CADM2: variants seen among roughly 807,000 people sequenced by gnomAD.
CADM2 encodes the protein cell adhesion molecule 2.
In CADM2, 12 loss-of-function variants were observed where a neutral mutation model predicts 49.8. That is an observed-to-expected ratio of 0.24 (90% CI 0.15 to 0.39). CADM2 has a LOEUF of 0.39. Ranked by LOEUF, CADM2 falls within the 10% of genes least tolerant of loss-of-function variation. CADM2 has a pLI of 1.00. For synonymous variants in CADM2, 214 were observed against 175.4 expected, an observed-to-expected ratio of 1.22 and a Z score of -1.74; for missense variants, 378 against 492.3, an observed-to-expected ratio of 0.77 and a Z score of 2.20.
At chr3:85,636,154 A>G (rs756483118) in intron 1 of CADM2, among the ~76,000 whole-genome samples, 1 of 152,200 alleles carries the variant, frequency 6.6e-6, no homozygotes, top group African/African-American at 2.4e-5. Flanking sequence ...TTCAGGAAGT[A>G]TTCCGGAAGA....
chr3:85,446,022 G>A (rs1468894466), intron 1 of CADM2, among the ~76,000 whole-genome samples: 1 of 152,058 alleles, frequency 6.6e-6, no homozygotes, highest in Non-Finnish European at 1.5e-5. Context: ...CAGGCGAGGT[G>A]TATGTACACT....
In CADM2 at chr3:85,969,533, C is replaced by T. The variant is rs188738706; in HGVS notation, c.970+7886C>T. Reference sequence around the variant, plus strand: ...TACCATCTAAATTGTCCCCCAGTCACATATCACTTCAATTAAATACTCTAC... The same window carrying T: ...TACCATCTAAATTGTCCCCCAGTCATATATCACTTCAATTAAATACTCTAC... On this transcript the variant is annotated intron_variant, in intron 8 of 9. Transcript: ENST00000383699. Among the ~76,000 whole-genome samples, 4 of 151,338 alleles carry T rather than the reference C, an allele frequency of 2.6e-5. No individual in the cohort carries two copies. The East Asian group carries it at 5.9e-4, about 22-fold the overall frequency.
rs186917224 is a variant in CADM2, at chr3:86,034,301, G to C, written c.971-31304G>C. 4.3e-3 allele frequency among the ~76,000 whole-genome samples: 656 copies of C among 152,078 alleles called. 2 individuals are homozygous for C. The highest frequency in any genetic ancestry group is 7.0e-3 in the Non-Finnish European group (476 of 67,904). On this transcript the variant is annotated intron_variant, in intron 8 of 9. Coordinates refer to ENST00000383699, the MANE Select transcript of CADM2 (RefSeq NM_001167675.2). ...TTTATGTGTTGAAAGTTCATTTGCT[G>C]TGATGGTATTAGAAGGTGAAGCCTT... is the stretch of plus-strand genomic sequence containing the variant.
At chr3:85,436,459 G>A (rs1354197305) in intron 1 of CADM2, among the ~76,000 whole-genome samples, 2 of 152,030 alleles carry the variant, frequency 1.3e-5, no homozygotes, top group African/African-American at 4.8e-5. Flanking sequence ...TTGAATAGGA[G>A]CAGTGAGAGA....
At chr3:85,670,821 G>A (rs1032657114) in intron 1 of CADM2, among the ~76,000 whole-genome samples, 3 of 152,166 alleles carry the variant, frequency 2.0e-5, no homozygotes, top group African/African-American at 7.2e-5. Context: ...TAACAATGGA[G>A]TGACTATACT....
chr3:85,099,469 A>ATT (rs56797775), intron 1 of CADM2, among the ~76,000 whole-genome samples: 3,279 of 144,540 alleles, frequency 0.023, 86 homozygotes, highest in African/African-American at 0.057. Context: ...CATGAATTAA[A>ATT]TTTTTTTTTT....
At chr3:85,231,247 A>G (rs763796926) in intron 1 of CADM2, among the ~76,000 whole-genome samples, 4 of 152,118 alleles carry the variant, frequency 2.6e-5, no homozygotes, top group Non-Finnish European at 5.9e-5. Context: ...TTTCATTGCT[A>G]TGATTTATGT....
At chr3:85,163,898 G>A (rs905058333) in intron 1 of CADM2, among the ~76,000 whole-genome samples, 3 of 151,904 alleles carry the variant, frequency 2.0e-5, no homozygotes, top group Admixed American at 6.6e-5. Flanking sequence ...GGAAACTTCA[G>A]AACCATTAGT....
intron 8 of CADM2, among the ~76,000 whole-genome samples, chr3:86,044,230 G>C (rs1210332394): frequency 6.6e-6 from 1 of 152,110 alleles, no homozygotes; most frequent in African/African-American, 2.4e-5. Context: ...TTAAACTAAA[G>C]AGCTTCTGCA....
chr3:85,480,615 G>A (rs1193205840), intron 1 of CADM2, among the ~76,000 whole-genome samples: 1 of 151,742 alleles, frequency 6.6e-6, no homozygotes, highest in Non-Finnish European at 1.5e-5. Flanking sequence ...TTCATTTCTG[G>A]CCATAACCTT....
intron 1 of CADM2, among the ~76,000 whole-genome samples, chr3:85,470,695 T>A (rs1326141968): frequency 6.6e-6 from 1 of 152,174 alleles, no homozygotes; most frequent in Non-Finnish European, 1.5e-5. Context: ...ATTTAAGGAA[T>A]GTGTTGCTGG....
chr3:85,023,769 T>C (rs778066002), intron 1 of CADM2, among the ~76,000 whole-genome samples: 1 of 151,988 alleles, frequency 6.6e-6, no homozygotes, highest in Non-Finnish European at 1.5e-5. Context: ...TACCCATTTT[T>C]ATCATTTTTT....
intron 1 of CADM2, among the ~76,000 whole-genome samples, chr3:85,448,515 C>T (rs901736160): frequency 1.3e-5 from 2 of 151,908 alleles, no homozygotes; most frequent in Non-Finnish European, 2.9e-5. Flanking sequence ...CAATAAAATA[C>T]GGCACTGTGG....
chr3:85,268,652 CA>C (rs199706305), intron 1 of CADM2, among the ~76,000 whole-genome samples: 2 of 151,012 alleles, frequency 1.3e-5, no homozygotes, highest in Non-Finnish European at 3.0e-5. Flanking sequence ...ACTTAAAATT[CA>C]AAAAAATGTA....
chr3:85,175,820 G>A (rs1321757422), intron 1 of CADM2, among the ~76,000 whole-genome samples: 2 of 151,522 alleles, frequency 1.3e-5, no homozygotes, highest in South Asian at 4.1e-4. Context: ...TACAAGAAGC[G>A]GAGTAACAAG....
At chr3:85,086,397 G>A (rs112497795) in intron 1 of CADM2, among the ~76,000 whole-genome samples, 6 of 151,756 alleles carry the variant, frequency 4.0e-5, no homozygotes, top group South Asian at 2.1e-4. Context: ...TCCACAACTG[G>A]GAAAGAAGAC....
intron 1 of CADM2, among the ~76,000 whole-genome samples, chr3:85,636,114 C>G (rs1437909360): frequency 1.3e-5 from 2 of 152,120 alleles, no homozygotes; most frequent in East Asian, 3.8e-4. Context: ...ATAAAAAAGA[C>G]TTAGCTGTAG....
chr3:85,713,340 G>A (rs1333787973), intron 1 of CADM2, among the ~76,000 whole-genome samples: 1 of 152,038 alleles, frequency 6.6e-6, no homozygotes, highest in Non-Finnish European at 1.5e-5. Context: ...GTACAGACGG[G>A]GTTTCGTCAT....
At chr3:85,167,439 A>G (rs1414107957) in intron 1 of CADM2, among the ~76,000 whole-genome samples, 1 of 152,116 alleles carries the variant, frequency 6.6e-6, no homozygotes, top group Non-Finnish European at 1.5e-5. Context: ...TTTTATTAAT[A>G]TGATATTTTA....
Sources: gnomAD v4.1 joint callset for allele counts (sites outside exome capture counted in the v4.1 genomes callset) on GRCh38, gnomAD v4.1.1 for gene constraint, MANE v1.5 for transcripts, NCBI Gene and HGNC (gene_info 2026-07-23, HGNC 2026-07-21) for gene names.